TSPO: variants seen among roughly 807,000 people sequenced by gnomAD.
TSPO encodes translocator protein.
In TSPO, 14 loss-of-function variants were observed where a neutral mutation model predicts 13.9. The observed-to-expected ratio is 1.01, with a 90% CI of 0.67 to 1.58. The LOEUF is 1.58. TSPO is among the 40% of genes most tolerant of loss of function. The pLI is 0.00. For missense variants in TSPO, 232 were observed against 229.6 expected (o/e 1.01, Z -0.07); for synonymous variants, 114 against 105.9 (o/e 1.08, Z -0.47).
At chr22:43,162,625 A>G (rs2147059845) in intron 3 of TSPO, among the ~76,000 whole-genome samples, 178 bp from the exon 4 acceptor site, 1 of 152,208 alleles carries the variant, frequency 6.6e-6, no homozygotes. Flanking sequence ...TTCCCATTTT[A>G]CAGATGAGGA....
intron 2 of TSPO, among the ~76,000 whole-genome samples, chr22:43,160,183 C>A (rs2147057143): frequency 6.6e-6 from 1 of 152,282 alleles, no homozygotes; most frequent in African/African-American, 2.4e-5. Context: ...TGGCCCAGGC[C>A]CTGCCCAGCC....
chr22:43,162,690 G>A, intron 3 of TSPO, 113 bp from the exon 4 acceptor site: 1 of 1,076,924 alleles, frequency 9.3e-7, no homozygotes, highest in Non-Finnish European at 1.3e-6. Context: ...GGTGGAGTGG[G>A]GGTGAGTGAG....
intron 1 of TSPO, among the ~76,000 whole-genome samples, chr22:43,157,510 A>C (rs1480544887): frequency 6.6e-6 from 1 of 152,168 alleles, no homozygotes; most frequent in Non-Finnish European, 1.5e-5. Context: ...GCAGCACCGG[A>C]ATCTGCTGGA....
intron 1 of TSPO, among the ~76,000 whole-genome samples, chr22:43,158,058 C>A (rs1000695358): frequency 6.6e-6 from 1 of 152,136 alleles, no homozygotes; most frequent in African/African-American, 2.4e-5. Flanking sequence ...CCCAGGCCAG[C>A]AGCCGCCCCT....
chr22:43,160,910 C>A (rs1365468376), intron 2 of TSPO, 142 bp from the exon 3 acceptor site: 2 of 1,002,324 alleles, frequency 2.0e-6, no homozygotes, highest in African/African-American at 1.6e-5. Flanking sequence ...AAAATGAAGG[C>A]CCAGACAGGT....
At chr22:43,157,306 A>AGGGGGGCGGGGCAGGAGGGC in intron 1 of TSPO, among the ~76,000 whole-genome samples, 1 of 49,346 alleles carries the variant, frequency 2.0e-5, no homozygotes, top group Admixed American at 1.9e-4. Flanking sequence ...GGCAGGAGGG[A>AGGGGGGCGGGGCAGGAGGGC]GGGGCGGGGC....
Position 43,159,936 on chromosome 22 carries a change from C to T in TSPO, c.182+516C>T, listed in dbSNP as rs1158059079. On this transcript the variant is annotated intron_variant, in intron 2 of 3. Coordinates refer to ENST00000337554, the MANE Select transcript of TSPO (RefSeq NM_000714.6). Reference sequence around the variant, plus strand: ...CCAGGGGAATTCCACCCGGAAAGGACGTGCTGGGAGGGGCAGGGCGCCTCT... The same window carrying T: ...CCAGGGGAATTCCACCCGGAAAGGATGTGCTGGGAGGGGCAGGGCGCCTCT... 2.0e-5 allele frequency among the ~76,000 whole-genome samples: 3 copies of T among 152,286 alleles called. No homozygotes were observed. The South Asian group carries it at 6.2e-4, about 32-fold the overall frequency.
At chr22:43,155,945 AC>A in intron 1 of TSPO, among the ~76,000 whole-genome samples, 1 of 152,058 alleles carries the variant, frequency 6.6e-6, no homozygotes, top group African/African-American at 2.4e-5. Context: ...CATGGTGGGT[AC>A]CGCCCCTGCC....
chr22:43,153,733 T>A (rs138909), intron 1 of TSPO, among the ~76,000 whole-genome samples: 64,776 of 151,498 alleles, frequency 0.43, 14,843 homozygotes, highest in African/African-American at 0.55. Flanking sequence ...TTTTATTTTT[T>A]TTTTTAACCA....
intron 3 of TSPO, among the ~76,000 whole-genome samples, chr22:43,162,504 G>A (rs1159092662): frequency 2.2e-4 from 33 of 152,198 alleles, no homozygotes; most frequent in Admixed American, 2.2e-3. Flanking sequence ...TCAGAGAGGG[G>A]AAGGGACGTG....
chr22:43,159,198 C>T lies in TSPO; in HGVS notation c.-29-12C>T, dbSNP rs771735915. 20 of 1,487,228 alleles carry T rather than the reference C, an allele frequency of 1.3e-5. No homozygotes were observed. The Admixed American group carries it at 4.1e-4, about 30-fold the overall frequency. The allele number at this position is 1,487,228 out of a possible 1,614,324, so 92.1% of individuals were successfully genotyped here. On this transcript the variant is annotated splice_polypyrimidine_tract_variant and intron_variant, in intron 1 of 3. Coordinates refer to ENST00000337554, the MANE Select transcript of TSPO (RefSeq NM_000714.6). ...CAGGAATGCCCTCACCCAGCCCTGT[C>T]TTCTCTTTCAGAGCTCCCCTGAACA...
At chr22:43,158,547 G>A (rs529405437) in intron 1 of TSPO, among the ~76,000 whole-genome samples, 1 of 152,280 alleles carries the variant, frequency 6.6e-6, no homozygotes, top group East Asian at 1.9e-4. Flanking sequence ...GTGCAGTGTG[G>A]CCCCAGGCAG....
At chr22:43,153,792 T>C (rs1449203977) in intron 1 of TSPO, among the ~76,000 whole-genome samples, 1 of 151,924 alleles carries the variant, frequency 6.6e-6, no homozygotes, top group Non-Finnish European at 1.5e-5. Flanking sequence ...TATTTATATA[T>C]ATATTTTTTG....
intron 1 of TSPO, among the ~76,000 whole-genome samples, chr22:43,158,139 G>A (rs1364094217): frequency 6.6e-6 from 1 of 152,162 alleles, no homozygotes; most frequent in Non-Finnish European, 1.5e-5. Context: ...AGTCTCTGCT[G>A]ACACCCCTCT....
intron 2 of TSPO, among the ~76,000 whole-genome samples, chr22:43,160,266 T>C (rs1260269708): frequency 2.0e-5 from 3 of 152,098 alleles, no homozygotes; most frequent in Non-Finnish European, 2.9e-5. Flanking sequence ...TCCCAGCCTC[T>C]CTTCGGGGGA....
chr22:43,158,338 T>G (rs1931320445), intron 1 of TSPO, among the ~76,000 whole-genome samples: 1 of 152,194 alleles, frequency 6.6e-6, no homozygotes, highest in South Asian at 2.1e-4. Context: ...TGTGCCCCCC[T>G]GGGTCCTAGC....
chr22:43,158,061 C>T (rs1601756709), intron 1 of TSPO, among the ~76,000 whole-genome samples: 1 of 152,132 alleles, frequency 6.6e-6, no homozygotes. Context: ...AGGCCAGCAG[C>T]CGCCCCTTCT....
At chr22:43,162,437 T>C (rs1931471910) in intron 3 of TSPO, among the ~76,000 whole-genome samples, 1 of 152,122 alleles carries the variant, frequency 6.6e-6, no homozygotes, top group Non-Finnish European at 1.5e-5. Context: ...CAAGTTTTTG[T>C]TTGGGCCTTG....
chr22:43,160,951 C>G, intron 2 of TSPO, 101 bp from the exon 3 acceptor site: 1 of 1,410,420 alleles, frequency 7.1e-7, no homozygotes, highest in Non-Finnish European at 9.6e-7. Flanking sequence ...ACACAGCAGT[C>G]AGTGTCAGGT....
Sources: gnomAD v4.1 joint callset for allele counts (sites outside exome capture counted in the v4.1 genomes callset) on GRCh38, gnomAD v4.1.1 for gene constraint, MANE v1.5 for transcripts, NCBI Gene and HGNC (gene_info 2026-07-23, HGNC 2026-07-21) for gene names.